The following ABCA3 variants were observed in gnomAD, a reference collection of about 807,000 sequenced individuals.
ABCA3 encodes phospholipid-transporting ATPase ABCA3.
Under a neutral mutation model 172.8 loss-of-function variants are expected in ABCA3, and 88 were observed. The observed-to-expected ratio is 0.51, with a 90% CI of 0.43 to 0.61. The LOEUF (loss-of-function observed/expected upper bound fraction) is 0.61. ABCA3 is among the 20% of genes least tolerant of loss of function. ABCA3 has a pLI of 0.00. For synonymous variants in ABCA3, 1,066 were observed against 983.8 expected (o/e 1.08, Z -1.56); for missense variants, 2,164 against 2,301.0 (o/e 0.94, Z 1.22).
At chr16:2,323,426 C>T in intron 7 of ABCA3, 97 bp downstream of exon 7, 3 of 1,507,550 alleles carry the variant, frequency 2.0e-6, no homozygotes, top group South Asian at 2.3e-5. Flanking sequence ...AAAAGTATTT[C>T]TTCAAGAAAT....
At chr16:2,293,352 G>A (rs995018475) in intron 18 of ABCA3, among the ~76,000 whole-genome samples, 4 of 147,342 alleles carry the variant, frequency 2.7e-5, no homozygotes, top group Admixed American at 2.1e-4. Context: ...AAGCTACCGT[G>A]CCTGGCCAAA....
At position 2,284,788 on chromosome 16, in the gene ABCA3, G is replaced by A. The variant is rs1386770293; in HGVS notation, c.3694C>T (p.Arg1232Cys). ...IATFLMVTIM[R>C]IPAVKLEELS... The stretch of plus-strand genomic sequence containing the variant: ...GTCTCCAGGTGCCCACCTGGGATGC[G>A]CATGATGGTGACCATCAGGAAGGTG... Residue 1232 changes from arginine (R) to cysteine (C), a missense_variant, in exon 24 of 33, where the codon CGC becomes TGC. Around this residue, in one of 3 missense-constraint regions of ABCA3, gnomAD observed 795 missense variants for 881.9 expected, o/e 0.90. Coordinates refer to ENST00000301732, the MANE Select transcript of ABCA3 (RefSeq NM_001089.3). This position sits in a 1 kb window ranked among gnomAD's most constrained non-coding sequence, Gnocchi z 5.9. The A allele has an allele frequency of 1.5e-5, 25 of 1,613,400 alleles. No homozygotes were observed. Among genetic ancestry groups the A allele is most frequent in the East Asian group, 4.5e-5 (2 of 44,868 alleles).
chr16:2,334,602 C>T lies in ABCA3; in HGVS notation c.-538-4748G>A, dbSNP rs182350714. ...TCTTGGCTCAATGCAACCTCCGGCCCCCAGGTTCAAGTAAGTGATTCTCCT... is the reference window on the plus strand; with the variant it reads ...TCTTGGCTCAATGCAACCTCCGGCCTCCAGGTTCAAGTAAGTGATTCTCCT... On this transcript the variant is annotated intron_variant, in intron 1 of 32. Coordinates refer to ENST00000301732, the MANE Select transcript of ABCA3 (RefSeq NM_001089.3). Among the ~76,000 whole-genome samples the T allele has an allele frequency of 5.9e-5, 9 of 151,666 alleles. No homozygotes were observed. The East Asian group carries it at 7.8e-4, about 13-fold the overall frequency.
intron 10 of ABCA3, among the ~76,000 whole-genome samples, chr16:2,308,938 G>A (rs201271186): frequency 2.0e-5 from 3 of 151,514 alleles, no homozygotes; most frequent in Non-Finnish European, 2.9e-5. Flanking sequence ...CCTGATTCCC[G>A]CCTAAGCCCC....
At position 2,276,614 on chromosome 16, in the gene ABCA3, G is replaced by T; in HGVS notation, c.*60C>A. ...TGAGATAAACTTGGAGAGAGAGGAT[G>T]TAAGATGGGCCCTGCTTGCCCGTCC... On this transcript the variant is annotated 3_prime_UTR_variant, in exon 33 of 33. Coordinates refer to ENST00000301732, the MANE Select transcript of ABCA3 (RefSeq NM_001089.3). The T allele has an allele frequency of 6.3e-7, 1 of 1,599,798 alleles. No homozygotes were observed. The highest frequency in any genetic ancestry group is 2.2e-5 in the East Asian group (1 of 44,680).
chr16:2,323,462 A>G (rs1353070321), intron 7 of ABCA3, 61 bp downstream of exon 7: 5 of 1,604,328 alleles, frequency 3.1e-6, no homozygotes, highest in Middle Eastern at 1.9e-4. Flanking sequence ...GGCTGCCCCC[A>G]TATGACTGTC....
At chr16:2,332,460 C>A in intron 1 of ABCA3, 3 of 1,065,224 alleles carry the variant, frequency 2.8e-6, no homozygotes, top group Non-Finnish European at 4.3e-6. Flanking sequence ...CATCCATATA[C>A]TTCTGGTAAT....
chr16:2,292,928 C>A (rs2093674280), intron 18 of ABCA3, among the ~76,000 whole-genome samples: 1 of 152,142 alleles, frequency 6.6e-6, no homozygotes, highest in African/African-American at 2.4e-5. Context: ...GGACTCCAGC[C>A]CGGGCAACAG....
intron 11 of ABCA3, among the ~76,000 whole-genome samples, chr16:2,308,029 G>A (rs546037233): frequency 6.6e-6 from 1 of 152,284 alleles, no homozygotes; most frequent in South Asian, 2.1e-4. Context: ...GAAAGTTTGA[G>A]ACCAGGCTGG....
At chr16:2,298,338 G>A (rs370933541) in intron 15 of ABCA3, 48 bp downstream of exon 15, 8 of 1,611,698 alleles carry the variant, frequency 5.0e-6, no homozygotes, top group African/African-American at 4.0e-5. Context: ...CCAGAAACTC[G>A]AGCACATCAG....
At position 2,279,710 on chromosome 16, in the gene ABCA3, C is replaced by A. The variant is rs2093652163; in HGVS notation, c.4360-580G>T. On this transcript the variant is annotated intron_variant, in intron 28 of 32. Transcript: ENST00000301732. This position sits in a 1 kb window ranked among gnomAD's most constrained non-coding sequence, Gnocchi z 4.4. ...CAGAGACTGGATTTCTTTTTCTTTA[C>A]CTTCCTTCTTTGGGGTTCTCAAGCT... Among the ~76,000 whole-genome samples the A allele has an allele frequency of 6.6e-6, 1 of 151,806 alleles. No homozygotes were observed. The highest frequency in any genetic ancestry group is 2.1e-4 in the South Asian group (1 of 4,792).
At position 2,278,865 on chromosome 16, in the gene ABCA3, C is replaced by T. The variant is rs1468315722; in HGVS notation, c.4547+78G>A. ...CAGGAGCTCTGGCTGCTGACCTGAG[C>T]GGTCACTCCCAGCTCTATGCTATGG... On this transcript the variant is annotated intron_variant, in intron 29 of 32. Coordinates refer to ENST00000301732, the MANE Select transcript of ABCA3 (RefSeq NM_001089.3). This position sits in a 1 kb window ranked among gnomAD's most constrained non-coding sequence, Gnocchi z 4.4. 98 of 1,586,190 alleles carry T rather than the reference C, an allele frequency of 6.2e-5. No homozygotes were observed. The highest frequency in any genetic ancestry group is 7.5e-5 in the Non-Finnish European group (87 of 1,160,454).
At chr16:2,334,551 A>C (rs1169634149) in intron 1 of ABCA3, among the ~76,000 whole-genome samples, 3 of 145,924 alleles carry the variant, frequency 2.1e-5, no homozygotes, top group Non-Finnish European at 4.5e-5. Flanking sequence ...ATCTCGCTCT[A>C]TCACTCAGGC....
Position 2,284,684 on chromosome 16 carries a change from T to C in ABCA3, c.3703+95A>G, listed in dbSNP as rs1292561168. 6 of 1,392,460 alleles carry C rather than the reference T, an allele frequency of 4.3e-6. No homozygotes were observed. Among genetic ancestry groups the C allele is most frequent in the African/African-American group, 1.4e-5 (1 of 70,114 alleles). The allele number at this position is 1,392,460 out of a possible 1,614,324, so 86.3% of individuals were successfully genotyped here. A position where few individuals can be genotyped will look rare whatever the true frequency, so the allele number is the denominator to read the frequency against. ...GTGAGCATGAACTGGGCCCATTGCCTGAGTCCCGCCTCGGCTGTGGCTGGT... is the reference window on the plus strand; with the variant it reads ...GTGAGCATGAACTGGGCCCATTGCCCGAGTCCCGCCTCGGCTGTGGCTGGT... On this transcript the variant is annotated intron_variant, in intron 24 of 32. Coordinates refer to ENST00000301732, the MANE Select transcript of ABCA3 (RefSeq NM_001089.3). This position sits in a 1 kb window ranked among gnomAD's most constrained non-coding sequence, Gnocchi z 5.9.
In ABCA3 at chr16:2,326,394, C is replaced by G; in HGVS notation, c.54+19G>C. The G allele has an allele frequency of 6.2e-7, 1 of 1,612,752 alleles. No individual in the cohort carries two copies. Among genetic ancestry groups the G allele is most frequent in the Non-Finnish European group, 8.5e-7 (1 of 1,179,686 alleles). On this transcript the variant is annotated intron_variant, in intron 4 of 32. Transcript: ENST00000301732. ...TGGGCTAGGCACGCAGCTGACCTCC[C>G]TCCAGAGTCTGGACGCACCTGCAGG... is the stretch of plus-strand genomic sequence containing the variant.
chr16:2,318,015 C>T (rs773692179), intron 8 of ABCA3, among the ~76,000 whole-genome samples: 7 of 152,210 alleles, frequency 4.6e-5, no homozygotes, highest in South Asian at 2.1e-4. Flanking sequence ...TTCTGTAGAG[C>T]GATTCCACAC....
In ABCA3 at chr16:2,297,695, G is replaced by A. The variant is rs999087521; in HGVS notation, c.2052+71C>T. 37 of 1,599,038 alleles carry A rather than the reference G, an allele frequency of 2.3e-5. No individual in the cohort carries two copies. The highest frequency in any genetic ancestry group is 1.0e-4 in the Admixed American group (6 of 59,848). On this transcript the variant is annotated intron_variant, in intron 16 of 32. Coordinates refer to ENST00000301732, the MANE Select transcript of ABCA3 (RefSeq NM_001089.3). The surrounding 1 kb of genome is among the most constrained non-coding windows in gnomAD (Gnocchi z 5.6). The stretch of plus-strand genomic sequence containing the variant: ...TGGGGTGTCAAGGGCCAAGGTGCCC[G>A]GGCCATGGCGGAAGGGCCATCCCAG...
At position 2,329,818 on chromosome 16, in the gene ABCA3, G is replaced by C. The variant is rs886051837; in HGVS notation, c.-502C>G. The C allele has an allele frequency of 2.6e-5, 4 of 152,254 alleles. No homozygotes were observed. The East Asian group carries it at 7.7e-4, about 29-fold the overall frequency. The allele number at this position is 152,254 out of a possible 1,614,324, so 9.4% of individuals were successfully genotyped here. A position where few individuals can be genotyped will look rare whatever the true frequency, so the allele number is the denominator to read the frequency against. On this transcript the variant is annotated 5_prime_UTR_variant, in exon 2 of 33. Transcript: ENST00000301732. ...ACACCGTGACCTCGCAGGACATCAG[G>C]AGGTGCCCAGGGCTCACAGGCATGA...
chr16:2,278,488 A>G lies in ABCA3; in HGVS notation c.4548-30T>C. ...AGGCAGGAGGGTGCCAGGTGGGGGA[A>G]TAAGGCTGAGAGTTAGCATTGGCTC... is the stretch of plus-strand genomic sequence containing the variant. On this transcript the variant is annotated intron_variant, in intron 29 of 32. Coordinates refer to ENST00000301732, the MANE Select transcript of ABCA3 (RefSeq NM_001089.3). This position sits in a 1 kb window ranked among gnomAD's most constrained non-coding sequence, Gnocchi z 4.4. 2 of 1,607,030 alleles carry G rather than the reference A, an allele frequency of 1.2e-6. No individual in the cohort carries two copies. Among genetic ancestry groups the G allele is most frequent in the South Asian group, 2.2e-5 (2 of 91,072 alleles).
Sources: allele counts gnomAD v4.1 joint callset (sites outside exome capture counted in the v4.1 genomes callset), GRCh38; gene constraint gnomAD v4.1.1; regional missense constraint gnomAD v4.1.1; non-coding constraint Gnocchi (gnomAD v3.1); transcripts MANE v1.5; gene names NCBI Gene and HGNC (gene_info 2026-07-23, HGNC 2026-07-21).